Variants in EBF2 observed in about 807,000 individuals in gnomAD.
EBF2 encodes the protein transcription factor COE2.
A neutral mutation model predicts 72.8 loss-of-function variants in EBF2; 21 were observed. The ratio of observed to expected loss-of-function variants is 0.29; its 90% CI spans 0.20 to 0.42. The LOEUF (loss-of-function observed/expected upper bound fraction) is 0.42, where lower values mean the gene tolerates loss of function less well. Among genes scored for constraint, EBF2 ranks in the 10% least tolerant of loss-of-function variants. EBF2 has a pLI of 1.00. For missense variants in EBF2, 637 were observed against 731.2 expected (o/e 0.87, Z 1.49); for synonymous variants, 299 against 274.2 (o/e 1.09, Z -0.89).
chr8:25,917,982 T>C (rs1803252341), intron 6 of EBF2, among the ~76,000 whole-genome samples: 1 of 152,204 alleles, frequency 6.6e-6, no homozygotes, highest in South Asian at 2.1e-4. Flanking sequence ...AGTGCAAATG[T>C]GGAGATTTGG....
At chr8:25,928,232 T>C (rs1803417671) in intron 6 of EBF2, among the ~76,000 whole-genome samples, 1 of 152,222 alleles carries the variant, frequency 6.6e-6, no homozygotes, top group Non-Finnish European at 1.5e-5. Flanking sequence ...CTCTTTAGAC[T>C]GTTGCCATCT....
chr8:26,000,660 C>G (rs893687004), intron 6 of EBF2, among the ~76,000 whole-genome samples: 5 of 152,182 alleles, frequency 3.3e-5, no homozygotes, highest in African/African-American at 9.7e-5. Flanking sequence ...CCAGATGACA[C>G]TGTCATATGG....
intron 5 of EBF2, among the ~76,000 whole-genome samples, chr8:26,036,917 TA>T (rs1805510898): frequency 6.6e-6 from 1 of 151,826 alleles, no homozygotes; most frequent in Non-Finnish European, 1.5e-5. Context: ...AATAAAAAAA[TA>T]AATAAAACAA....
chr8:26,015,593 C>G lies in EBF2; in HGVS notation c.551+17492G>C, dbSNP rs184323351. On this transcript the variant is annotated intron_variant, in intron 6 of 15. Transcript: ENST00000520164. ...GACATGGAGATTAACTCTGAGACTC[C>G]AACTGCTATAAGCCAGTCACTCTTG... Among the ~76,000 whole-genome samples, 394 of 152,314 alleles carry G rather than the reference C, an allele frequency of 2.6e-3. 1 individual carries two copies. In the Middle Eastern group the frequency reaches 0.031, roughly 12 times the overall value.
chr8:25,895,923 ATGTGTGTG>A (rs71868613), intron 7 of EBF2, among the ~76,000 whole-genome samples: 2,623 of 149,702 alleles, frequency 0.018, 89 homozygotes, highest in African/African-American at 0.06. Context: ...CCGTGTGTGT[ATGTGTGTG>A]TGTGTGTGTG....
Position 25,975,783 on chromosome 8 carries a change from A to C in EBF2, c.551+57302T>G, listed in dbSNP as rs537325777. On this transcript the variant is annotated intron_variant, in intron 6 of 15. Transcript: ENST00000520164. ...AACTCTACAGTATCCTGAGAGGTAA[A>C]AATTGACACAGTGCACACGATTACT... Among the ~76,000 whole-genome samples, 6 of 152,328 alleles carry C rather than the reference A, an allele frequency of 3.9e-5. No individual in the cohort carries two copies. The East Asian group carries it at 1.2e-3, about 29-fold the overall frequency.
chr8:25,869,027 C>T (rs542659292), intron 10 of EBF2, among the ~76,000 whole-genome samples: 3 of 152,228 alleles, frequency 2.0e-5, no homozygotes, highest in East Asian at 3.9e-4. Flanking sequence ...AGTCTCATCA[C>T]CATATTAACA....
chr8:25,926,474 C>T (rs779440048), intron 6 of EBF2, among the ~76,000 whole-genome samples: 2 of 152,164 alleles, frequency 1.3e-5, no homozygotes, highest in Non-Finnish European at 2.9e-5. Flanking sequence ...AAGGTGAAGA[C>T]TCTTGCCTCT....
At chr8:26,002,071 T>C (rs947855974) in intron 6 of EBF2, among the ~76,000 whole-genome samples, 2 of 152,158 alleles carry the variant, frequency 1.3e-5, no homozygotes, top group African/African-American at 4.8e-5. Context: ...CACCCGACTT[T>C]AGCACAGACA....
At chr8:25,948,926 C>T (rs540585465) in intron 6 of EBF2, among the ~76,000 whole-genome samples, 19 of 152,100 alleles carry the variant, frequency 1.2e-4, no homozygotes, top group Non-Finnish European at 2.2e-4. Flanking sequence ...TGCGTTACTG[C>T]GTGTGAGTCA....
At chr8:25,890,656 T>C (rs1305167830) in intron 7 of EBF2, among the ~76,000 whole-genome samples, 2 of 152,214 alleles carry the variant, frequency 1.3e-5, no homozygotes, top group Admixed American at 6.5e-5. Flanking sequence ...TAATGAGATA[T>C]AGGCACACAT....
At chr8:25,861,283 TAAAGG>T in intron 12 of EBF2, 21 bp downstream of exon 12, 2 of 1,614,078 alleles carry the variant, frequency 1.2e-6, no homozygotes, top group South Asian at 2.2e-5. Flanking sequence ...CAAAACTCAA[TAAAGG>T]ATAGGATGTC....
intron 6 of EBF2, among the ~76,000 whole-genome samples, chr8:25,994,992 G>GA (rs200112282): frequency 5.9e-5 from 9 of 151,658 alleles, no homozygotes; most frequent in East Asian, 1.9e-4. Context: ...TCCTTGTAAT[G>GA]AAAAAAAAAT....
chr8:25,875,375 T>C (rs1313842735), intron 10 of EBF2, among the ~76,000 whole-genome samples: 2 of 152,184 alleles, frequency 1.3e-5, no homozygotes, highest in Non-Finnish European at 2.9e-5. Context: ...CAAAGAAAAG[T>C]TGCTTTTCCT....
At chr8:25,874,068 A>T (rs371704507) in intron 10 of EBF2, among the ~76,000 whole-genome samples, 2 of 152,188 alleles carry the variant, frequency 1.3e-5, no homozygotes, top group East Asian at 3.8e-4. Context: ...TGAACAAGGA[A>T]TAGTTGTACT....
intron 7 of EBF2, among the ~76,000 whole-genome samples, chr8:25,891,334 G>T (rs1172206580): frequency 6.6e-6 from 1 of 151,884 alleles, no homozygotes; most frequent in African/African-American, 2.4e-5. Context: ...CTAGACATGG[G>T]TCTATTTCTC....
Position 25,843,260 on chromosome 8 carries a change from C to G in EBF2, c.*1349G>C, listed in dbSNP as rs1801768733. 1 of 152,220 alleles carries G rather than the reference C, an allele frequency of 6.6e-6. No individual in the cohort carries two copies. Among genetic ancestry groups the G allele is most frequent in the Non-Finnish European group, 1.5e-5 (1 of 68,052 alleles). The allele number at this position is 152,220 out of a possible 1,614,324, so 9.4% of individuals were successfully genotyped here. A position where few individuals can be genotyped will look rare whatever the true frequency, so the allele number is the denominator to read the frequency against. On this transcript the variant is annotated 3_prime_UTR_variant, in exon 16 of 16. Transcript: ENST00000520164. ...GCTTTTAATATCCCTCTCCCACATTCCGTCTCATTCTTGACTAGAAACTGT... is the reference window on the plus strand; with the variant it reads ...GCTTTTAATATCCCTCTCCCACATTGCGTCTCATTCTTGACTAGAAACTGT...
intron 6 of EBF2, among the ~76,000 whole-genome samples, chr8:25,966,768 T>C (rs1181477297): frequency 1.3e-5 from 2 of 152,202 alleles, no homozygotes; most frequent in African/African-American, 4.8e-5. Context: ...GCAGCCTGCA[T>C]ACCTTTCTCT....
At chr8:25,911,202 C>T (rs1803123788) in intron 6 of EBF2, among the ~76,000 whole-genome samples, 1 of 152,180 alleles carries the variant, frequency 6.6e-6, no homozygotes, top group Non-Finnish European at 1.5e-5. Context: ...AAAATGTCGG[C>T]ACTCTCCACT....
Sources: gnomAD v4.1 joint callset for allele counts (sites outside exome capture counted in the v4.1 genomes callset) on GRCh38, gnomAD v4.1.1 for gene constraint, MANE v1.5 for transcripts, NCBI Gene and HGNC (gene_info 2026-07-23, HGNC 2026-07-21) for gene names.